The following BCAS3 variants were observed in gnomAD, a reference collection of about 807,000 sequenced individuals.
The protein encoded by BCAS3 is BCAS3 microtubule associated cell migration factor, also known as BCAS4/BCAS3 fusion.
Under a neutral mutation model 116.1 loss-of-function variants are expected in BCAS3, and 53 were observed. The observed-to-expected ratio is 0.46, with a 90% CI of 0.37 to 0.57. The LOEUF is 0.57. Ranked by LOEUF, BCAS3 falls within the 20% of genes least tolerant of loss-of-function variation. BCAS3 has a pLI of 0.00. For missense variants in BCAS3, 917 were observed against 1,165.4 expected (o/e 0.79, Z 3.10); for synonymous variants, 391 against 408.2 (o/e 0.96, Z 0.51).
chr17:61,212,243 G>T (rs971492105), intron 22 of BCAS3, among the ~76,000 whole-genome samples: 1 of 151,934 alleles, frequency 6.6e-6, no homozygotes, highest in Admixed American at 6.6e-5. Flanking sequence ...TTTTATTTAC[G>T]TATTTATTTT....
intron 6 of BCAS3, among the ~76,000 whole-genome samples, chr17:60,807,389 C>T (rs2048369687): frequency 6.6e-6 from 1 of 151,972 alleles, no homozygotes. Flanking sequence ...AATATTATTA[C>T]TAGTTTTAGG....
rs1364544621 is a variant in BCAS3, at chr17:61,128,901, TTC to T, written c.2425+44338_2425+44339del. Among the ~76,000 whole-genome samples, 11 of 152,194 alleles carry T rather than the reference TTC, an allele frequency of 7.2e-5. No homozygotes were observed. Among genetic ancestry groups the T allele is most frequent in the South Asian group, 2.1e-4 (1 of 4,830 alleles). On this transcript the variant is annotated intron_variant, in intron 22 of 23. Transcript: ENST00000407086. This position sits in a 1 kb window ranked among gnomAD's most constrained non-coding sequence, Gnocchi z 4.1. ...CAAAATTTGGTAACCATTAAATTAC[TTC>T]CTAAGTCACTTCCGGATGTCAGGCC...
At chr17:60,816,279 C>CTTTTTTTTTTTTTTTTTT (rs537982584) in intron 7 of BCAS3, among the ~76,000 whole-genome samples, 1 of 140,108 alleles carries the variant, frequency 7.1e-6, no homozygotes, top group Non-Finnish European at 1.5e-5. Context: ...TTTTTCTTTT[C>CTTTTTTTTTTTTTTTTTT]TTTTTTTTTT....
chr17:60,986,423 C>T (rs1397608844), intron 14 of BCAS3, among the ~76,000 whole-genome samples: 2 of 152,150 alleles, frequency 1.3e-5, no homozygotes, highest in African/African-American at 4.8e-5. Context: ...CCAAATTGTT[C>T]TCCATAGTGG....
chr17:61,028,388 C>T lies in BCAS3; in HGVS notation c.1638-6278C>T, dbSNP rs543601645. On this transcript the variant is annotated intron_variant, in intron 16 of 23. Coordinates refer to ENST00000407086, the MANE Select transcript of BCAS3 (RefSeq NM_017679.5). The surrounding 1 kb of genome is among the most constrained non-coding windows in gnomAD (Gnocchi z 4.3). Reference sequence around the variant, plus strand: ...TTTATTCATTTTGTTAACCAGATGTCTTCTAAAAACAAATAAGATACACAG... The same window carrying T: ...TTTATTCATTTTGTTAACCAGATGTTTTCTAAAAACAAATAAGATACACAG... 5.3e-5 allele frequency among the ~76,000 whole-genome samples: 8 copies of T among 151,896 alleles called. No homozygotes were observed. The East Asian group carries it at 1.4e-3, about 26-fold the overall frequency.
At chr17:60,900,773 A>T (rs1022760906) in intron 10 of BCAS3, among the ~76,000 whole-genome samples, 1 of 151,654 alleles carries the variant, frequency 6.6e-6, no homozygotes, top group Non-Finnish European at 1.5e-5. Flanking sequence ...CACTATTTCT[A>T]TAGTGCAAAA....
chr17:60,968,639 C>T (rs1038020465), intron 14 of BCAS3, among the ~76,000 whole-genome samples: 1 of 152,138 alleles, frequency 6.6e-6, no homozygotes, highest in Non-Finnish European at 1.5e-5. Flanking sequence ...GTAGTACTGC[C>T]TATCCTGATT....
intron 22 of BCAS3, among the ~76,000 whole-genome samples, chr17:61,322,856 C>CAGAGAGAGAGAGACAGAGAGAGAGAGAG (rs2055404974): frequency 3.3e-5 from 2 of 60,500 alleles, no homozygotes; most frequent in Non-Finnish European, 6.9e-5. Flanking sequence ...GAGAGAGAGA[C>CAGAGAGAGAGAGACAGAGAGAGAGAGAG]AGAGAGAGAG....
chr17:61,040,762 A>G lies in BCAS3; in HGVS notation c.1929-30A>G, dbSNP rs1488985058. 10 of 1,561,748 alleles carry G rather than the reference A, an allele frequency of 6.4e-6. No individual in the cohort carries two copies. The Admixed American group carries it at 1.0e-4, about 16-fold the overall frequency. ...ATTTACATCCCATCTATTAAGCTTA[A>G]ATATTAATATTCTTCTCCTGTTTCC... On this transcript the variant is annotated intron_variant, in intron 18 of 23. Transcript: ENST00000407086.
intron 4 of BCAS3, among the ~76,000 whole-genome samples, chr17:60,706,939 C>A (rs970747013): frequency 6.6e-6 from 1 of 151,654 alleles, no homozygotes; most frequent in East Asian, 1.9e-4. Flanking sequence ...TTCAGTCTCC[C>A]CAGCAACTGA....
intron 14 of BCAS3, among the ~76,000 whole-genome samples, chr17:60,981,069 C>T (rs776680179): frequency 4.6e-5 from 7 of 151,988 alleles, no homozygotes; most frequent in Non-Finnish European, 1.0e-4. Flanking sequence ...CTCCTGGCCT[C>T]CAGCAGTCCT....
At position 61,235,130 on chromosome 17, in the gene BCAS3, G is replaced by A. The variant is rs1043199615; in HGVS notation, c.2426-133197G>A. 7.9e-5 allele frequency among the ~76,000 whole-genome samples: 12 copies of A among 152,104 alleles called. No individual in the cohort carries two copies. The highest frequency in any genetic ancestry group is 1.5e-4 in the Non-Finnish European group (10 of 68,024). ...TCAAACTCCTGACCTAAGATGATCC[G>A]CCCACTTCGGTCTTCCAAAGTGCTG... On this transcript the variant is annotated intron_variant, in intron 22 of 23. Coordinates refer to ENST00000407086, the MANE Select transcript of BCAS3 (RefSeq NM_017679.5). The surrounding 1 kb of genome is among the most constrained non-coding windows in gnomAD (Gnocchi z 5.0).
chr17:60,698,700 G>A, intron 4 of BCAS3, among the ~76,000 whole-genome samples: 1 of 152,112 alleles, frequency 6.6e-6, no homozygotes, highest in Non-Finnish European at 1.5e-5. Flanking sequence ...TCAGTTATGA[G>A]TAAAGTATAC....
At chr17:60,683,757 C>T (rs146391867) in intron 2 of BCAS3, among the ~76,000 whole-genome samples, 5 of 150,774 alleles carry the variant, frequency 3.3e-5, no homozygotes, top group East Asian at 3.9e-4. Flanking sequence ...GCTTAAGCCC[C>T]GGAGGTCGAG....
In BCAS3 at chr17:61,020,277, G is replaced by T. The variant is rs1568138147; in HGVS notation, c.1637+4376G>T. Among the ~76,000 whole-genome samples the T allele has an allele frequency of 6.6e-6, 1 of 152,202 alleles. No homozygotes were observed. On this transcript the variant is annotated intron_variant, in intron 16 of 23. Transcript: ENST00000407086. This position sits in a 1 kb window ranked among gnomAD's most constrained non-coding sequence, Gnocchi z 4.5. ...TGCAAATACATATGCCTGAAAGCCT[G>T]TGCAGTGTCAGGGACCATCTGTCTC...
chr17:61,232,489 G>C (rs902833391), intron 22 of BCAS3, among the ~76,000 whole-genome samples: 2 of 152,110 alleles, frequency 1.3e-5, no homozygotes, highest in Admixed American at 1.3e-4. Flanking sequence ...CAGAGTCCCA[G>C]GTAGGAATAT....
In BCAS3 at chr17:61,259,829, C is replaced by T. The variant is rs1477888519; in HGVS notation, c.2426-108498C>T. ...TAGTGCTTTTAGGGGCACCTGAGGT[C>T]ACTTTTTGCCATAAGGCATGTCACT... On this transcript the variant is annotated intron_variant, in intron 22 of 23. Coordinates refer to ENST00000407086, the MANE Select transcript of BCAS3 (RefSeq NM_017679.5). The surrounding 1 kb of genome is among the most constrained non-coding windows in gnomAD (Gnocchi z 4.7). Among the ~76,000 whole-genome samples, 1 of 152,176 alleles carries T rather than the reference C, an allele frequency of 6.6e-6. No homozygotes were observed. Among genetic ancestry groups the T allele is most frequent in the Non-Finnish European group, 1.5e-5 (1 of 68,038 alleles).
intron 22 of BCAS3, among the ~76,000 whole-genome samples, chr17:61,231,700 G>A (rs1215874585): frequency 1.3e-5 from 2 of 151,862 alleles, no homozygotes; most frequent in Non-Finnish European, 2.9e-5. Context: ...AACATAGCAA[G>A]ACACCGTCTC....
intron 9 of BCAS3, 34 bp from the exon 10 acceptor site, chr17:60,889,661 A>C (rs1375599055): frequency 1.3e-6 from 2 of 1,560,726 alleles, no homozygotes; most frequent in African/African-American, 2.7e-5. Flanking sequence ...AGTTATTAAG[A>C]AATTTCTCAA....
Sources: gnomAD v4.1 joint callset for allele counts (sites outside exome capture counted in the v4.1 genomes callset) on GRCh38, gnomAD v4.1.1 for gene constraint, Gnocchi (gnomAD v3.1) non-coding constraint, MANE v1.5 for transcripts, NCBI Gene and HGNC (gene_info 2026-07-23, HGNC 2026-07-21) for gene names.